The following RAPSN variants were observed in gnomAD, a reference collection of about 807,000 sequenced individuals.
RAPSN encodes the protein 43 kDa receptor-associated protein of the synapse.
Under a neutral mutation model 45.7 loss-of-function variants are expected in RAPSN, and 33 were observed. That is an observed-to-expected ratio of 0.72 (90% CI 0.55 to 0.97). The LOEUF is 0.97. Among genes scored for constraint, RAPSN ranks in the 50% least tolerant of loss-of-function variants. The probability of loss-of-function intolerance (pLI) is 0.00; values close to 1 mark genes in which losing one functional copy is unlikely to be tolerated. For missense variants in RAPSN, 519 were observed against 559.4 expected (o/e 0.93, Z 0.73); for synonymous variants, 244 against 233.6 (o/e 1.04, Z -0.40).
At chr11:47,439,979 C>T (rs781171155) in intron 6 of RAPSN, among the ~76,000 whole-genome samples, 3 of 151,968 alleles carry the variant, frequency 2.0e-5, no homozygotes. Flanking sequence ...TGTGAGCCAC[C>T]GCACCCGGCC....
Position 47,438,790 on chromosome 11 carries a change from T to A in RAPSN, c.1108A>T (p.Ile370Leu). The A allele has an allele frequency of 6.4e-7, 1 of 1,572,452 alleles. No individual in the cohort carries two copies. Residue 370 changes from isoleucine (I) to leucine (L), a missense_variant, in exon 7 of 8, where the codon ATA becomes TTA. Coordinates refer to ENST00000298854, the MANE Select transcript of RAPSN (RefSeq NM_005055.5). ...ELYCGLCGES[I>L]GEKNSRLQAL... ...TGCAGCCGGCTGTTCTTCTCGCCTA[T>A]GGACTCGCCGCACAGGCCGCAGTAG...
rs1411336356 is a variant in RAPSN at position 47,447,809 on chromosome 11, C to T, written c.531+3G>A. On this transcript the variant is annotated splice_donor_region_variant and intron_variant, in intron 2 of 7. Coordinates refer to ENST00000298854, the MANE Select transcript of RAPSN (RefSeq NM_005055.5). ...CTGCTGTCCCCCTGGGGTGCAGGCC[C>T]ACCTTGACCTGGGCATAGAAGCTGC... 1 of 1,609,724 alleles carries T rather than the reference C, an allele frequency of 6.2e-7. No individual in the cohort carries two copies. Among genetic ancestry groups the T allele is most frequent in the Non-Finnish European group, 8.5e-7 (1 of 1,178,358 alleles).
chr11:47,448,215 C>A lies in RAPSN; in HGVS notation c.193-65G>T. On this transcript the variant is annotated intron_variant, in intron 1 of 7. Transcript: ENST00000298854. ...ACTCTGAGCCTTGGACCCCAGCCTG[C>A]ACTGCAGGCTCAGACCTGGAGGCCC... is the stretch of plus-strand genomic sequence containing the variant. 1.9e-6 allele frequency: 3 copies of A among 1,552,098 alleles called. No individual in the cohort carries two copies. The South Asian group carries it at 3.4e-5, about 17-fold the overall frequency.
Position 47,441,900 on chromosome 11 carries a change from G to A in RAPSN, c.712C>T (p.Gln238Ter), listed in dbSNP as rs2076368388. Residue 238 changes from glutamine (Q) to a stop codon, truncating the protein, a stop_gained, in exon 4 of 8, where the codon CAG (glutamine) becomes TAG (stop). Transcript: ENST00000298854. LOFTEE classifies it high-confidence loss of function. ...CCEESMKIAL[Q>*]HGDRPLQALC... ...GCCTGCAGTGGCCGGTCCCCGTGCT[G>A]CAGCGCGATCTTCATAGACTCCTGC... The A allele has an allele frequency of 6.3e-7, 1 of 1,585,434 alleles. No individual in the cohort carries two copies.
intron 7 of RAPSN, 53 bp from the exon 8 acceptor site, chr11:47,438,100 G>A: frequency 6.5e-7 from 1 of 1,541,846 alleles, no homozygotes; most frequent in East Asian, 2.4e-5. Flanking sequence ...CTTCCCTCCG[G>A]GCCCTCTCTT....
chr11:47,443,661 A>G, intron 2 of RAPSN, among the ~76,000 whole-genome samples: 1 of 152,104 alleles, frequency 6.6e-6, no homozygotes, highest in Non-Finnish European at 1.5e-5. Flanking sequence ...GGCCAGGCAC[A>G]GTGGTTCACG....
Position 47,441,807 on chromosome 11 carries a change from A to G in RAPSN, c.789+16T>C. ...CCTGCCCCCTGCCCCCAGCCCCTGC[A>G]TCCCGGTGACCTCACCTCCAGGTCC... On this transcript the variant is annotated intron_variant, in intron 4 of 7. Transcript: ENST00000298854. 1.5e-6 allele frequency: 2 copies of G among 1,369,794 alleles called. No individual in the cohort carries two copies. The highest frequency in any genetic ancestry group is 9.5e-7 in the Non-Finnish European group (1 of 1,053,060). 84.9% of individuals were successfully genotyped at this position (1,369,794 alleles called of 1,614,324 possible).
chr11:47,438,652 G>T, intron 7 of RAPSN, 80 bp downstream of exon 7: 1 of 1,490,558 alleles, frequency 6.7e-7, no homozygotes, highest in Non-Finnish European at 9.2e-7. Context: ...TAGTATTATT[G>T]CTGTGATTAA....
chr11:47,438,649 A>G (rs1480023073), intron 7 of RAPSN, 83 bp downstream of exon 7: 10 of 1,480,344 alleles, frequency 6.8e-6, no homozygotes, highest in Non-Finnish European at 8.3e-6. Context: ...TATTAGTATT[A>G]TTGCTGTGAT....
chr11:47,438,402 A>C (rs926154917), intron 7 of RAPSN: 9 of 571,718 alleles, frequency 1.6e-5, no homozygotes, highest in African/African-American at 1.3e-4. Flanking sequence ...AGCTCACTGC[A>C]GCCTCTGCCT....
intron 5 of RAPSN, 182 bp from the exon 6 acceptor site, chr11:47,441,394 C>G: frequency 8.6e-7 from 1 of 1,164,872 alleles, no homozygotes; most frequent in Non-Finnish European, 1.2e-6. Flanking sequence ...GACCTCCTGC[C>G]TCAGTTTACC....
chr11:47,441,436 C>T (rs150649687), intron 5 of RAPSN, 175 bp downstream of exon 5: 74 of 1,327,406 alleles, frequency 5.6e-5, no homozygotes, highest in Non-Finnish European at 7.5e-5. Context: ...GCTGTGGGTC[C>T]TAGGGCAAGT....
chr11:47,443,304 G>T (rs1025877400), intron 2 of RAPSN, among the ~76,000 whole-genome samples: 6 of 152,168 alleles, frequency 3.9e-5, no homozygotes, highest in Non-Finnish European at 7.3e-5. Flanking sequence ...CAGACTCAGC[G>T]AGGCGATGCA....
intron 2 of RAPSN, among the ~76,000 whole-genome samples, chr11:47,446,634 G>A (rs952342114): frequency 3.9e-5 from 6 of 152,276 alleles, no homozygotes; most frequent in East Asian, 1.9e-4. Context: ...GGCCGGGTGC[G>A]GTGGCTCACG....
chr11:47,446,513 TCA>T (rs975061031), intron 2 of RAPSN, among the ~76,000 whole-genome samples: 1 of 152,052 alleles, frequency 6.6e-6, no homozygotes, highest in Non-Finnish European at 1.5e-5. Context: ...ATTTATCCAC[TCA>T]CTAACTCCAA....
chr11:47,438,102 C>T, intron 7 of RAPSN, 55 bp from the exon 8 acceptor site: 2 of 1,533,446 alleles, frequency 1.3e-6, no homozygotes, highest in Non-Finnish European at 1.8e-6. Context: ...TCCCTCCGGG[C>T]CCTCTCTTCC....
At chr11:47,439,492 A>G (rs1054306243) in intron 6 of RAPSN, among the ~76,000 whole-genome samples, 3 of 152,068 alleles carry the variant, frequency 2.0e-5, no homozygotes, top group Admixed American at 6.6e-5. Context: ...AATAATAATT[A>G]ATCTGCTTTC....
At position 47,438,139 on chromosome 11, in the gene RAPSN, G is replaced by C. The variant is rs534582689; in HGVS notation, c.1167-92C>G. The C allele has an allele frequency of 2.8e-6, 4 of 1,415,640 alleles. No homozygotes were observed. In the South Asian group the frequency reaches 3.7e-5, roughly 13 times the overall value. 87.7% of individuals were successfully genotyped at this position (1,415,640 alleles called of 1,614,324 possible). ...TCCTTGCCTGCCCTCTGCAGGGGCT[G>C]GGATGCATCCTGGTGGCTGTTCAGC... On this transcript the variant is annotated intron_variant, in intron 7 of 7. Coordinates refer to ENST00000298854, the MANE Select transcript of RAPSN (RefSeq NM_005055.5).
Position 47,438,772 on chromosome 11 carries a change from G to T in RAPSN, c.1126C>A (p.Arg376=). Residue 376 remains arginine (R), a synonymous_variant, in exon 7 of 8, where the codon CGG becomes AGG. Transcript: ENST00000298854. ...CGESIGEKNS[R]LQALPCSHIF... is the part of the protein sequence containing the mutation. ...TGGGAGCAAGGTAGGGCCTGCAGCC[G>T]GCTGTTCTTCTCGCCTATGGACTCG... The T allele has an allele frequency of 6.4e-7, 1 of 1,565,438 alleles. No homozygotes were observed. The highest frequency in any genetic ancestry group is 1.7e-4 in the Middle Eastern group (1 of 5,992).
Sources: gnomAD v4.1 joint callset for allele counts (sites outside exome capture counted in the v4.1 genomes callset) on GRCh38, gnomAD v4.1.1 for gene constraint, MANE v1.5 for transcripts, NCBI Gene and HGNC (gene_info 2026-07-23, HGNC 2026-07-21) for gene names.